The following ADAMTSL1 variants were observed in gnomAD, a reference collection of about 807,000 sequenced individuals.
ADAMTSL1 encodes ADAMTS like 1, also known as ADAMTS-like protein 1.
ADAMTSL1 carries 126 observed loss-of-function variants against 201.8 expected under a neutral mutation model. That is an observed-to-expected ratio of 0.62 (90% CI 0.54 to 0.72). The LOEUF (loss-of-function observed/expected upper bound fraction) is 0.72, where lower values mean the gene tolerates loss of function less well. Ranked by LOEUF, ADAMTSL1 falls within the 30% of genes least tolerant of loss-of-function variation. ADAMTSL1 has a pLI of 0.00. For missense variants in ADAMTSL1, 2,679 were observed against 2,277.8 expected (o/e 1.18, Z -3.59); for synonymous variants, 1,121 against 903.4 (o/e 1.24, Z -4.32).
At chr9:18,590,628 A>G (rs892344318) in intron 4 of ADAMTSL1, among the ~76,000 whole-genome samples, 7 of 151,646 alleles carry the variant, frequency 4.6e-5, no homozygotes, top group Non-Finnish European at 7.4e-5. Flanking sequence ...TAGATTATTT[A>G]TATTGTTTTG....
chr9:18,720,800 AAAT>A (rs941242998), intron 14 of ADAMTSL1, among the ~76,000 whole-genome samples: 1 of 152,212 alleles, frequency 6.6e-6, no homozygotes, highest in African/African-American at 2.4e-5. Context: ...AATAAAATAA[AAAT>A]AAGTGTCTCC....
chr9:18,459,243 G>C (rs116809033), intron 2 of ADAMTSL1, among the ~76,000 whole-genome samples: 1 of 152,248 alleles, frequency 6.6e-6, no homozygotes, highest in East Asian at 1.9e-4. Flanking sequence ...GTGAAATATA[G>C]AATGTTTGTT....
intron 1 of ADAMTSL1, among the ~76,000 whole-genome samples, chr9:18,157,486 A>G (rs944418992): frequency 1.3e-5 from 2 of 151,956 alleles, no homozygotes; most frequent in Admixed American, 6.6e-5. Flanking sequence ...CTTTAAATTC[A>G]GCTACATCTG....
intron 1 of ADAMTSL1, among the ~76,000 whole-genome samples, chr9:18,049,291 G>A (rs577466220): frequency 2.9e-4 from 44 of 152,326 alleles, no homozygotes; most frequent in African/African-American, 1.1e-3. Flanking sequence ...ATTAATAATA[G>A]TGGCTAGTGA....
intron 1 of ADAMTSL1, among the ~76,000 whole-genome samples, chr9:17,988,557 C>G (rs1002681810): frequency 1.3e-5 from 2 of 149,300 alleles, no homozygotes; most frequent in Admixed American, 6.7e-5. Flanking sequence ...GTTCTTTTTT[C>G]TTTTCTTTTT....
chr9:18,047,615 G>A (rs185944885), intron 1 of ADAMTSL1, among the ~76,000 whole-genome samples: 42 of 152,244 alleles, frequency 2.8e-4, no homozygotes, highest in African/African-American at 9.9e-4. Context: ...TGAGGTCTTG[G>A]GGGTGGGGTG....
chr9:18,184,976 A>G lies in ADAMTSL1; in HGVS notation c.207+20995A>G, dbSNP rs185348834. Among the ~76,000 whole-genome samples, 452 of 152,280 alleles carry G rather than the reference A, an allele frequency of 3.0e-3. 4 individuals are homozygous for G. Among genetic ancestry groups the G allele is most frequent in the African/African-American group, 0.011 (437 of 41,566 alleles). On this transcript the variant is annotated intron_variant, in intron 2 of 29. Transcript: ENST00000680146. Reference sequence around the variant, plus strand: ...ACTAAGCAGGTTGATTAATTGACACAGGTTGAATCTCCCTTCTCTGAAATG... The same window carrying G: ...ACTAAGCAGGTTGATTAATTGACACGGGTTGAATCTCCCTTCTCTGAAATG...
chr9:18,385,205 C>A (rs1005362564), intron 2 of ADAMTSL1, among the ~76,000 whole-genome samples: 1 of 152,154 alleles, frequency 6.6e-6, no homozygotes, highest in Non-Finnish European at 1.5e-5. Flanking sequence ...GATCCACCAA[C>A]TTTCCCACCT....
intron 2 of ADAMTSL1, among the ~76,000 whole-genome samples, chr9:18,329,480 G>A (rs1022722959): frequency 6.6e-5 from 10 of 152,238 alleles, no homozygotes; most frequent in Middle Eastern, 3.4e-3. Context: ...CCTCCAAAAC[G>A]TGTCCACTAC....
chr9:17,934,835 T>A (rs151162919), intron 1 of ADAMTSL1, among the ~76,000 whole-genome samples: 393 of 148,818 alleles, frequency 2.6e-3, no homozygotes, highest in Non-Finnish European at 4.7e-3. Context: ...CCAGACTCCA[T>A]CCCCATTTGC....
intron 2 of ADAMTSL1, among the ~76,000 whole-genome samples, chr9:18,514,466 A>T (rs924907799): frequency 8.0e-5 from 12 of 150,766 alleles, no homozygotes; most frequent in African/African-American, 2.9e-4. Flanking sequence ...AGTAGCTGGG[A>T]CTACAGGCAC....
At chr9:18,833,314 T>C (rs1306266514) in intron 23 of ADAMTSL1, among the ~76,000 whole-genome samples, 2 of 152,230 alleles carry the variant, frequency 1.3e-5, no homozygotes, top group Non-Finnish European at 2.9e-5. Flanking sequence ...TAATTTACAC[T>C]CCCACCAACA....
intron 19 of ADAMTSL1, among the ~76,000 whole-genome samples, chr9:18,786,006 C>T (rs1366896469): frequency 6.6e-6 from 1 of 152,162 alleles, no homozygotes; most frequent in African/African-American, 2.4e-5. Flanking sequence ...CAGGAGTAAC[C>T]CAAAATCACA....
chr9:18,722,829 C>T (rs1833475711), intron 15 of ADAMTSL1, among the ~76,000 whole-genome samples: 1 of 152,216 alleles, frequency 6.6e-6, no homozygotes. Flanking sequence ...CCCATGAGAA[C>T]AGCAGTCAAC....
intron 1 of ADAMTSL1, among the ~76,000 whole-genome samples, chr9:18,485,164 G>A (rs1233573887): frequency 1.3e-5 from 2 of 152,282 alleles, no homozygotes; most frequent in African/African-American, 4.8e-5. Context: ...AGATCACTCA[G>A]TCGGTAGGGG....
chr9:18,491,945 A>C (rs896333851), intron 1 of ADAMTSL1, among the ~76,000 whole-genome samples: 11 of 152,192 alleles, frequency 7.2e-5, no homozygotes, highest in Admixed American at 2.0e-4. Context: ...TCTGGACAAG[A>C]TTTTAAAGAA....
At chr9:18,874,996 G>A (rs899642812) in intron 23 of ADAMTSL1, among the ~76,000 whole-genome samples, 1 of 151,976 alleles carries the variant, frequency 6.6e-6, no homozygotes, top group Admixed American at 6.6e-5. Context: ...AATCTAGGAG[G>A]GTTGTATATT....
chr9:18,023,737 C>T (rs965309982), intron 1 of ADAMTSL1, among the ~76,000 whole-genome samples: 1 of 152,040 alleles, frequency 6.6e-6, no homozygotes, highest in East Asian at 1.9e-4. Flanking sequence ...TCTGTTTCTT[C>T]GTGTAAAAAT....
chr9:18,687,308 C>T (rs548590066), intron 13 of ADAMTSL1, among the ~76,000 whole-genome samples: 2 of 152,130 alleles, frequency 1.3e-5, no homozygotes, highest in African/African-American at 2.4e-5. Flanking sequence ...TTTCTTAAAC[C>T]ACATAGACCG....
Sources: gnomAD v4.1 joint callset for allele counts (sites outside exome capture counted in the v4.1 genomes callset) on GRCh38, gnomAD v4.1.1 for gene constraint, MANE v1.5 for transcripts, NCBI Gene and HGNC (gene_info 2026-07-23, HGNC 2026-07-21) for gene names.